Variants in SHLD1 observed in about 807,000 individuals in gnomAD.
SHLD1 encodes RINN1-REV7-interacting novel NHEJ regulator 3.
SHLD1 carries 3 observed loss-of-function variants against 5.5 expected under a neutral mutation model. The ratio of observed to expected loss-of-function variants is 0.54; its 90% CI spans 0.25 to 1.40. The LOEUF (loss-of-function observed/expected upper bound fraction) is 1.40, where lower values mean the gene tolerates loss of function less well. Among genes scored for constraint, SHLD1 ranks in the 40% most tolerant of loss-of-function variants. SHLD1 has a pLI of 0.15. For missense variants in SHLD1, 210 were observed against 244.4 expected, an observed-to-expected ratio of 0.86 and a Z score of 0.94; for synonymous variants, 92 against 94.3, an observed-to-expected ratio of 0.98 and a Z score of 0.14.
intron 2 of SHLD1, among the ~76,000 whole-genome samples, chr20:5,835,766 A>G (rs1381223214): frequency 2.0e-5 from 3 of 152,256 alleles, no homozygotes; most frequent in Non-Finnish European, 4.4e-5. Context: ...TGGTCTCTCA[A>G]TAACCATTTG....
At chr20:5,754,947 T>C (rs930038189) in intron 1 of SHLD1, among the ~76,000 whole-genome samples, 2 of 151,686 alleles carry the variant, frequency 1.3e-5, no homozygotes, top group Non-Finnish European at 2.9e-5. Flanking sequence ...TTCCAGCTAC[T>C]CGGGAGGCTG....
At chr20:5,791,899 A>T (rs2087146991) in intron 2 of SHLD1, among the ~76,000 whole-genome samples, 1 of 152,156 alleles carries the variant, frequency 6.6e-6, no homozygotes, top group African/African-American at 2.4e-5. Context: ...GACCATCCTA[A>T]TGGGTGTGAG....
chr20:5,850,971 G>A (rs933995195), intron 2 of SHLD1, among the ~76,000 whole-genome samples: 3 of 152,214 alleles, frequency 2.0e-5, no homozygotes, highest in South Asian at 2.1e-4. Flanking sequence ...GCTGGTCCTT[G>A]CTTCTTTGCA....
chr20:5,804,050 C>T (rs2087338759), intron 2 of SHLD1, among the ~76,000 whole-genome samples: 1 of 152,018 alleles, frequency 6.6e-6, no homozygotes, highest in South Asian at 2.1e-4. Context: ...GTGGCTCACA[C>T]CTGTAATGTT....
At chr20:5,809,289 G>T (rs770821418) in intron 2 of SHLD1, among the ~76,000 whole-genome samples, 10 of 152,094 alleles carry the variant, frequency 6.6e-5, no homozygotes, top group Non-Finnish European at 1.0e-4. Flanking sequence ...CTATGGTTTA[G>T]AGTGAATCTT....
intron 2 of SHLD1, among the ~76,000 whole-genome samples, chr20:5,810,416 C>G (rs1019767330): frequency 1.3e-5 from 2 of 152,030 alleles, no homozygotes; most frequent in Non-Finnish European, 2.9e-5. Context: ...GCTATGGGAC[C>G]TTCCGAGCCA....
intron 2 of SHLD1, among the ~76,000 whole-genome samples, chr20:5,862,023 A>G (rs1366453973): frequency 1.3e-5 from 2 of 152,186 alleles, no homozygotes; most frequent in South Asian, 2.1e-4. Context: ...GCAAAGAGAA[A>G]GAAAAAAGAG....
chr20:5,851,814 C>CG (rs200886405), intron 2 of SHLD1, among the ~76,000 whole-genome samples: 68 of 150,872 alleles, frequency 4.5e-4, no homozygotes, highest in Admixed American at 1.9e-3. Context: ...GGCCTGGTGG[C>CG]GGGGGGGCAT....
Position 5,808,916 on chromosome 20 carries a change from G to T in SHLD1, c.178+35873G>T, listed in dbSNP as rs79118256. On this transcript the variant is annotated intron_variant, in intron 2 of 2. Transcript: ENST00000303142. Reference sequence around the variant, plus strand: ...CCAGTTTAGTTGGGTTAATATTATCGGTTAGGAGTTAATTCACAGTAAAGT... The same window carrying T: ...CCAGTTTAGTTGGGTTAATATTATCTGTTAGGAGTTAATTCACAGTAAAGT... Among the ~76,000 whole-genome samples the T allele has an allele frequency of 5.9e-3, 903 of 152,234 alleles. 14 individuals are homozygous for T. The highest frequency in any genetic ancestry group is 0.021 in the African/African-American group (876 of 41,524).
intron 2 of SHLD1, among the ~76,000 whole-genome samples, chr20:5,777,954 T>C (rs2122260887): frequency 6.6e-6 from 1 of 152,236 alleles, no homozygotes; most frequent in South Asian, 2.1e-4. Flanking sequence ...ACAATTTTTA[T>C]TTTGCTGTGC....
intron 2 of SHLD1, among the ~76,000 whole-genome samples, chr20:5,800,835 C>A (rs2087282089): frequency 1.0e-5 from 1 of 96,066 alleles, no homozygotes; most frequent in African/African-American, 3.7e-5. Context: ...TTATCTGTAT[C>A]TATACCTGTG....
chr20:5,782,872 T>G lies in SHLD1; in HGVS notation c.178+9829T>G, dbSNP rs1022857807. On this transcript the variant is annotated intron_variant, in intron 2 of 2. Transcript: ENST00000303142. ...TTAGATAAAAAAACTCAAAATAAAA[T>G]TTATATACTAGTTGTCAAATTCTTG... Among the ~76,000 whole-genome samples the G allele has an allele frequency of 3.9e-5, 6 of 152,204 alleles. No individual in the cohort carries two copies. The South Asian group carries it at 6.2e-4, about 16-fold the overall frequency.
At chr20:5,771,713 CTT>C (rs1263422512) in intron 1 of SHLD1, among the ~76,000 whole-genome samples, 2 of 151,520 alleles carry the variant, frequency 1.3e-5, no homozygotes, top group Non-Finnish European at 2.9e-5. Context: ...GTGGCTATAA[CTT>C]TTGCAGTTTG....
chr20:5,771,267 T>A (rs1985137728), intron 1 of SHLD1, among the ~76,000 whole-genome samples: 1 of 152,254 alleles, frequency 6.6e-6, no homozygotes, highest in Non-Finnish European at 1.5e-5. Context: ...GCCAGTTTTA[T>A]TGCAATTGAA....
intron 2 of SHLD1, among the ~76,000 whole-genome samples, chr20:5,813,400 G>A (rs2087486674): frequency 1.3e-5 from 2 of 152,164 alleles, no homozygotes; most frequent in African/African-American, 4.8e-5. Flanking sequence ...TGAGGCAGGA[G>A]AATTGTTTGA....
At chr20:5,751,451 C>T (rs916184193) in intron 1 of SHLD1, among the ~76,000 whole-genome samples, 6 of 152,020 alleles carry the variant, frequency 3.9e-5, no homozygotes, top group African/African-American at 7.2e-5. Flanking sequence ...GGACTACAGG[C>T]GCCTGCCACC....
chr20:5,758,140 C>T (rs1296756577), intron 1 of SHLD1, among the ~76,000 whole-genome samples: 1 of 151,194 alleles, frequency 6.6e-6, no homozygotes, highest in East Asian at 1.9e-4. Context: ...TGCACCTCTG[C>T]TGGAAGGAAG....
intron 1 of SHLD1, among the ~76,000 whole-genome samples, chr20:5,757,840 T>C (rs567084736): frequency 6.6e-6 from 1 of 152,106 alleles, no homozygotes; most frequent in African/African-American, 2.4e-5. Flanking sequence ...TGACCTCAGG[T>C]GATCCACCCG....
chr20:5,847,592 C>G lies in SHLD1; in HGVS notation c.179-15432C>G, dbSNP rs1287070. Among the ~76,000 whole-genome samples, 84 of 152,026 alleles carry G rather than the reference C, an allele frequency of 5.5e-4. 1 individual carries two copies. In the East Asian group the frequency reaches 0.015, roughly 28 times the overall value. ...AAGAGAGAGTGAAAAAAAGTAGGAA[C>G]ATGGTCAATAATATGAATAAGCAGT... is the stretch of plus-strand genomic sequence containing the variant. On this transcript the variant is annotated intron_variant, in intron 2 of 2. Coordinates refer to ENST00000303142, the MANE Select transcript of SHLD1 (RefSeq NM_152504.4).
Sources: allele counts gnomAD v4.1 joint callset (sites outside exome capture counted in the v4.1 genomes callset), GRCh38; gene constraint gnomAD v4.1.1; transcripts MANE v1.5; gene names NCBI Gene and HGNC (gene_info 2026-07-23, HGNC 2026-07-21).